The following RABGAP1 variants were observed in gnomAD, a reference collection of about 807,000 sequenced individuals.
RABGAP1 encodes the protein RAB GTPase activating protein 1.
RABGAP1 carries 23 observed loss-of-function variants against 137.6 expected under a neutral mutation model. That is an observed-to-expected ratio of 0.17 (90% confidence interval 0.12 to 0.24). RABGAP1 has a LOEUF of 0.24. RABGAP1 is among the 10% of genes least tolerant of loss of function. RABGAP1 has a pLI of 1.00. For synonymous variants in RABGAP1, 451 were observed against 450.7 expected (o/e 1.00, Z -0.01); for missense variants, 906 against 1,275.8 (o/e 0.71, Z 4.42).
At position 123,036,816 on chromosome 9, in the gene RABGAP1, CT is replaced by C. The variant is rs35388646; in HGVS notation, c.1794+16369del. ...CCTTTGGCATACAGTTCTTAATGGT[CT>C]TTTTTTTTTTTCCTGCCAAAGTACT... On this transcript the variant is annotated intron_variant, in intron 13 of 25. Coordinates refer to ENST00000373647, the MANE Select transcript of RABGAP1 (RefSeq NM_012197.4). 6.6e-3 allele frequency among the ~76,000 whole-genome samples: 935 copies of C among 141,870 alleles called. 4 individuals are homozygous for C. Among genetic ancestry groups the C allele is most frequent in the African/African-American group, 0.019 (757 of 38,936 alleles). The allele number at this position is 141,870 out of a possible 152,430, so 93.1% of individuals were successfully genotyped here. A position where few individuals can be genotyped will look rare whatever the true frequency, so the allele number is the denominator to read the frequency against.
At chr9:123,072,666 G>A (rs2034392063) in intron 15 of RABGAP1, among the ~76,000 whole-genome samples, 1 of 152,126 alleles carries the variant, frequency 6.6e-6, no homozygotes, top group African/African-American at 2.4e-5. Flanking sequence ...TCAAAGATCT[G>A]GGCTTTTGCC....
intron 2 of RABGAP1, among the ~76,000 whole-genome samples, chr9:122,962,609 CAAAG>C (rs1834908815): frequency 6.6e-6 from 1 of 151,806 alleles, no homozygotes; most frequent in Admixed American, 6.6e-5. Flanking sequence ...AAAAAATCAT[CAAAG>C]AAATGTAAAT....
Position 122,987,442 on chromosome 9 carries a change from A to G in RABGAP1, c.590+1023A>G, listed in dbSNP as rs149370826. Among the ~76,000 whole-genome samples, 348 of 152,286 alleles carry G rather than the reference A, an allele frequency of 2.3e-3. 3 individuals carry two copies. The highest frequency in any genetic ancestry group is 0.014 in the South Asian group (69 of 4,818). On this transcript the variant is annotated intron_variant, in intron 4 of 25. Coordinates refer to ENST00000373647, the MANE Select transcript of RABGAP1 (RefSeq NM_012197.4). ...ATCTTCTTTGCATATTGGTATATGT[A>G]TATGTCTAGGTATATGTAAATATAC... is the stretch of plus-strand genomic sequence containing the variant.
At position 123,074,386 on chromosome 9, in the gene RABGAP1, T is replaced by A; in HGVS notation, c.2211T>A (p.Pro737=). 2 of 1,613,426 alleles carry A rather than the reference T, an allele frequency of 1.2e-6. No individual in the cohort carries two copies. The highest frequency in any genetic ancestry group is 3.3e-4 in the Middle Eastern group (2 of 6,052). Residue 737 remains proline (P), a synonymous_variant, in exon 17 of 26, where the codon CCT becomes CCA. Transcript: ENST00000373647. ...TTACTCTTTTCACTGCAAAATTCCC[T>A]CTCTACATGGTCTTCCATATCATCG... ...WFLTLFTAKF[P]LYMVFHIIDL...
intron 1 of RABGAP1, among the ~76,000 whole-genome samples, chr9:122,944,794 C>G (rs1277937649): frequency 1.3e-5 from 2 of 151,490 alleles, no homozygotes; most frequent in East Asian, 3.9e-4. Flanking sequence ...CCAGGCTGGT[C>G]TCGAACTCCT....
chr9:122,941,730 A>C (rs1207985029), intron 1 of RABGAP1, among the ~76,000 whole-genome samples: 1 of 152,072 alleles, frequency 6.6e-6, no homozygotes, highest in Non-Finnish European at 1.5e-5. Flanking sequence ...GATTATCCGC[A>C]CCCTTAGGGT....
chr9:123,071,843 A>G (rs947001410), intron 15 of RABGAP1, among the ~76,000 whole-genome samples: 1 of 152,208 alleles, frequency 6.6e-6, no homozygotes, highest in African/African-American at 2.4e-5. Flanking sequence ...GGTACAGTAT[A>G]CAGAAGTCCT....
intron 19 of RABGAP1, among the ~76,000 whole-genome samples, chr9:123,087,637 A>G (rs971477815): frequency 6.6e-6 from 1 of 152,174 alleles, no homozygotes; most frequent in African/African-American, 2.4e-5. Context: ...TTGTGGCCTC[A>G]CCCCAGGTGT....
At chr9:123,047,045 T>C (rs955528815) in intron 13 of RABGAP1, among the ~76,000 whole-genome samples, 1 of 152,154 alleles carries the variant, frequency 6.6e-6, no homozygotes, top group African/African-American at 2.4e-5. Flanking sequence ...GTCCAAAGGG[T>C]TATTCAACAT....
chr9:122,952,150 C>T (rs1227709184), intron 1 of RABGAP1, among the ~76,000 whole-genome samples: 2 of 152,170 alleles, frequency 1.3e-5, no homozygotes, highest in East Asian at 3.9e-4. Flanking sequence ...TGTCTGTCAC[C>T]TCAAGTGACT....
At chr9:123,018,170 A>C (rs1186186722) in intron 12 of RABGAP1, among the ~76,000 whole-genome samples, 1 of 151,936 alleles carries the variant, frequency 6.6e-6, no homozygotes, top group Middle Eastern at 3.2e-3. Context: ...AATTTTTTGT[A>C]TTTTTAGTAG....
At chr9:123,008,164 A>T (rs959687559) in intron 10 of RABGAP1, among the ~76,000 whole-genome samples, 1 of 152,146 alleles carries the variant, frequency 6.6e-6, no homozygotes, top group South Asian at 2.1e-4. Flanking sequence ...CCAGTAATTG[A>T]CTGTATTTAT....
chr9:122,954,611 C>G (rs1834412371), intron 1 of RABGAP1, among the ~76,000 whole-genome samples: 1 of 152,126 alleles, frequency 6.6e-6, no homozygotes, highest in South Asian at 2.1e-4. Context: ...CCCAGGCCCT[C>G]TGGCATCCAA....
chr9:123,008,825 G>T (rs2030546087), intron 10 of RABGAP1, among the ~76,000 whole-genome samples: 1 of 152,024 alleles, frequency 6.6e-6, no homozygotes, highest in Admixed American at 6.6e-5. Flanking sequence ...TCAAAAAAAA[G>T]AATGTTACAA....
At chr9:123,053,466 C>G (rs771888502) in intron 13 of RABGAP1, among the ~76,000 whole-genome samples, 4 of 152,064 alleles carry the variant, frequency 2.6e-5, no homozygotes, top group Admixed American at 1.3e-4. Flanking sequence ...ATTTCATTTT[C>G]CTTCTTTTGA....
intron 13 of RABGAP1, among the ~76,000 whole-genome samples, chr9:123,048,487 A>G (rs1467556859): frequency 6.6e-6 from 1 of 152,216 alleles, no homozygotes; most frequent in East Asian, 1.9e-4. Flanking sequence ...AGAAGATTTT[A>G]TCCATAGCAT....
chr9:123,049,864 T>A (rs1431014763), intron 13 of RABGAP1, among the ~76,000 whole-genome samples: 2 of 152,232 alleles, frequency 1.3e-5, no homozygotes, highest in African/African-American at 4.8e-5. Context: ...CATGCAGTAT[T>A]TCATTTGCTT....
chr9:123,026,687 T>A (rs985288926), intron 13 of RABGAP1, among the ~76,000 whole-genome samples: 12 of 152,194 alleles, frequency 7.9e-5, no homozygotes, highest in Non-Finnish European at 1.6e-4. Flanking sequence ...TTGCCTGTAA[T>A]TCTTACAGCT....
At chr9:123,063,924 C>T (rs909532803) in intron 13 of RABGAP1, among the ~76,000 whole-genome samples, 2 of 152,086 alleles carry the variant, frequency 1.3e-5, no homozygotes, top group East Asian at 1.9e-4. Flanking sequence ...TATCTCATAG[C>T]GACCCCTCTT....
Sources: allele counts gnomAD v4.1 joint callset (sites outside exome capture counted in the v4.1 genomes callset), GRCh38; gene constraint gnomAD v4.1.1; transcripts MANE v1.5; gene names NCBI Gene and HGNC (gene_info 2026-07-23, HGNC 2026-07-21).